LPIN3: variants seen among roughly 807,000 people sequenced by gnomAD.
The protein encoded by LPIN3 is phosphatidate phosphatase LPIN3.
Under a neutral mutation model 94.7 loss-of-function variants are expected in LPIN3, and 82 were observed. The ratio of observed to expected loss-of-function variants is 0.87; its 90% CI spans 0.72 to 1.04. The LOEUF (loss-of-function observed/expected upper bound fraction) is 1.04. Among genes scored for constraint, LPIN3 ranks in the 50% least tolerant of loss-of-function variants. LPIN3 has a pLI of 0.00. For synonymous variants in LPIN3, 418 were observed against 443.3 expected, an observed-to-expected ratio of 0.94 and a Z score of 0.72; for missense variants, 996 against 1,090.5, an observed-to-expected ratio of 0.91 and a Z score of 1.22.
chr20:41,357,043 C>T lies in LPIN3; in HGVS notation c.1807C>T (p.Arg603Cys), dbSNP rs201671223. 34 of 1,611,878 alleles carry T rather than the reference C, an allele frequency of 2.1e-5. 1 individual carries two copies. The highest frequency in any genetic ancestry group is 2.0e-4 in the Admixed American group (12 of 59,990). ...SLRLSSDQIRRLNLQEGANDV... is the reference protein window; with the variant it reads ...SLRLSSDQIRCLNLQEGANDV... ...ACCCCCCTTTGTCTGGCCTCAGCGGCGCCTGAACCTGCAAGAAGGTGCCAA... is the reference window on the plus strand; with the variant it reads ...ACCCCCCTTTGTCTGGCCTCAGCGGTGCCTGAACCTGCAAGAAGGTGCCAA... Residue 603 changes from arginine to cysteine, a missense_variant, in exon 15 of 20, where the codon CGC (arginine) becomes TGC (cysteine). Transcript: ENST00000373257.
At chr20:41,353,933 C>T (rs1183843345) in intron 11 of LPIN3, among the ~76,000 whole-genome samples, 1 of 152,172 alleles carries the variant, frequency 6.6e-6, no homozygotes, top group African/African-American at 2.4e-5. Flanking sequence ...CTTACCCAGA[C>T]AGACCCACCG....
intron 13 of LPIN3, 38 bp downstream of exon 13, chr20:41,354,901 C>T (rs1477506801): frequency 1.9e-6 from 3 of 1,543,406 alleles, no homozygotes; most frequent in Non-Finnish European, 2.6e-6. Flanking sequence ...GCAGGGGGAG[C>T]CTGGGAAAGA....
intron 1 of LPIN3, among the ~76,000 whole-genome samples, chr20:41,342,935 C>G (rs187830962): frequency 1.1e-4 from 17 of 152,136 alleles, no homozygotes; most frequent in Non-Finnish European, 8.8e-5. Flanking sequence ...GAGTAGGACC[C>G]CGGGTGCCAT....
rs2046343457 is a variant in LPIN3, at chr20:41,360,293, TC to T, written c.*1429del. On this transcript the variant is annotated 3_prime_UTR_variant, in exon 20 of 20. Coordinates refer to ENST00000373257, the MANE Select transcript of LPIN3 (RefSeq NM_022896.3). ...TTAAAAGCAAGGCTTGGAGCCCCTT[TC>T]CTCCAGCTGGTGGCTCCTTCTCAGG... 1 of 152,306 alleles carries T rather than the reference TC, an allele frequency of 6.6e-6. No individual in the cohort carries two copies. The highest frequency in any genetic ancestry group is 2.1e-4 in the South Asian group (1 of 4,832). 9.4% of individuals were successfully genotyped at this position (152,306 alleles called of 1,614,324 possible).
rs772635374 is a variant in LPIN3, at chr20:41,357,922, G to A, written c.2080G>A (p.Gly694Ser). Residue 694 changes from glycine to serine, a missense_variant, in exon 17 of 20, where the codon GGC becomes AGC. Gly to Ser is a moderately conservative substitution (Grantham distance 56). Transcript: ENST00000373257. ...CCTGTACTGCTCGGCGCGGGCCATTGGCATGGCGGACCTCACCAAGGGGTA... is the reference window on the plus strand; with the variant it reads ...CCTGTACTGCTCGGCGCGGGCCATTAGCATGGCGGACCTCACCAAGGGGTA... The part of the protein sequence containing the change: ...KFLYCSARAI[G>S]MADLTKGYLQ... 10 of 1,614,116 alleles carry A rather than the reference G, an allele frequency of 6.2e-6. No homozygotes were observed. The highest frequency in any genetic ancestry group is 8.5e-6 in the Non-Finnish European group (10 of 1,179,998).
chr20:41,349,798 C>A lies in LPIN3; in HGVS notation c.663C>A (p.Ser221=), dbSNP rs2045932797. The change falls in exon 6 of 20, where the codon TCC becomes TCA. Residue 221 remains serine, a synonymous_variant. Coordinates refer to ENST00000373257, the MANE Select transcript of LPIN3 (RefSeq NM_022896.3). The part of the protein sequence containing the change: ...QASLSAGELT[S]PKSDSELEVR... ...GCCTCTCAGCAGGTGAGCTAACATC[C>A]CCTAAGAGCGACTCGGAGCTGGAGG... 1.9e-6 allele frequency: 3 copies of A among 1,613,534 alleles called. No homozygotes were observed. The highest frequency in any genetic ancestry group is 2.7e-5 in the African/African-American group (2 of 74,926).
chr20:41,346,110 T>A, intron 2 of LPIN3, 115 bp downstream of exon 2: 1 of 1,053,796 alleles, frequency 9.5e-7, no homozygotes, highest in Non-Finnish European at 1.4e-6. Context: ...ATCTGTCCTC[T>A]GGACAGGCTT....
chr20:41,349,972 G>A (rs2045943713), intron 6 of LPIN3, 78 bp downstream of exon 6: 5 of 1,564,398 alleles, frequency 3.2e-6, no homozygotes, highest in South Asian at 2.4e-5. Flanking sequence ...TGGAGGGACT[G>A]AAACTCGGGC....
intron 5 of LPIN3, among the ~76,000 whole-genome samples, chr20:41,349,413 C>T (rs775081455): frequency 6.6e-6 from 1 of 152,122 alleles, no homozygotes; most frequent in Non-Finnish European, 1.5e-5. Context: ...GCATTAAGTA[C>T]ATTCAGTGTT....
At position 41,342,815 on chromosome 20, in the gene LPIN3, G is replaced by T. The variant is rs535516009; in HGVS notation, c.-9+1813G>T. Reference sequence around the variant, plus strand: ...AGAGAGGAGAGAATTCTGGACTCCCGTGACATTAGATCTGAGGGAGATGGG... The same window carrying T: ...AGAGAGGAGAGAATTCTGGACTCCCTTGACATTAGATCTGAGGGAGATGGG... On this transcript the variant is annotated intron_variant, in intron 1 of 19. Transcript: ENST00000373257. 8.5e-5 allele frequency among the ~76,000 whole-genome samples: 13 copies of T among 152,312 alleles called. No individual in the cohort carries two copies. In the South Asian group the frequency reaches 2.7e-3, roughly 32 times the overall value.
In LPIN3 at chr20:41,358,011, C is replaced by A; in HGVS notation, c.2169C>A (p.Ser723Arg). The change falls in exon 17 of 20, where the codon AGC becomes AGA. Residue 723 changes from serine (S) to arginine (R), a missense_variant. Coordinates refer to ENST00000373257, the MANE Select transcript of LPIN3 (RefSeq NM_022896.3). ...AGGGCCCCATCCTTCTGTCTCCCAG[C>A]AGCCTCTTCTCTGCCCTCCACAGGT... ...LPKGPILLSP[S>R]SLFSALHREV... 1 of 1,608,272 alleles carries A rather than the reference C, an allele frequency of 6.2e-7. No homozygotes were observed. The highest frequency in any genetic ancestry group is 8.5e-7 in the Non-Finnish European group (1 of 1,177,380).
chr20:41,358,420 C>G lies in LPIN3; in HGVS notation c.2308-19C>G, dbSNP rs1254716904. ...TGCCTGCAGGCCTCCATTCCATGGG[C>G]CCCTCCTGTCTCCCACAGGATGTCT... On this transcript the variant is annotated intron_variant, in intron 18 of 19. Coordinates refer to ENST00000373257, the MANE Select transcript of LPIN3 (RefSeq NM_022896.3). The G allele has an allele frequency of 6.2e-7, 1 of 1,613,010 alleles. No individual in the cohort carries two copies. Among genetic ancestry groups the G allele is most frequent in the South Asian group, 1.1e-5 (1 of 91,052 alleles).
intron 6 of LPIN3, 29 bp downstream of exon 6, chr20:41,349,923 C>A: frequency 1.3e-6 from 2 of 1,597,182 alleles, no homozygotes; most frequent in Non-Finnish European, 1.7e-6. Flanking sequence ...ACCCCAGGCC[C>A]GGCCTTTCAG....
intron 7 of LPIN3, among the ~76,000 whole-genome samples, chr20:41,350,601 A>G (rs2045973379): frequency 6.6e-6 from 1 of 152,104 alleles, no homozygotes; most frequent in African/African-American, 2.4e-5. Context: ...ATTGGTTGGA[A>G]TGGGAGCTGT....
chr20:41,347,221 T>G (rs527389951), intron 2 of LPIN3, among the ~76,000 whole-genome samples: 1 of 152,210 alleles, frequency 6.6e-6, no homozygotes, highest in East Asian at 1.9e-4. Flanking sequence ...CCTATTCTTA[T>G]GGATGTGAGA....
In LPIN3 at chr20:41,358,065, C is replaced by A. The variant is rs773972438; in HGVS notation, c.2192+31C>A. The A allele has an allele frequency of 5.1e-6, 8 of 1,572,942 alleles. No homozygotes were observed. In the African/African-American group the frequency reaches 6.8e-5, roughly 13 times the overall value. ...CACCCCTACACATACAAGCCCGTGG[C>A]CCCCTGGTGGGGAAAGGCAGGCCCA... is the stretch of plus-strand genomic sequence containing the variant. On this transcript the variant is annotated intron_variant, in intron 17 of 19. Transcript: ENST00000373257.
Position 41,352,799 on chromosome 20 carries a change from C to T in LPIN3, c.1459C>T (p.His487Tyr). 6.2e-7 allele frequency: 1 copy of T among 1,614,216 alleles called. No homozygotes were observed. The highest frequency in any genetic ancestry group is 8.5e-7 in the Non-Finnish European group (1 of 1,180,006). Reference protein sequence around the residue: ...PNLVVKINGKHYNWAVAAPMI... With the variant: ...PNLVVKINGKYYNWAVAAPMI... ...TGATGCCCTGTTCTGTCTCTCTAGG[C>T]ATTATAACTGGGCTGTGGCTGCCCC... The change falls in exon 11 of 20, where the codon CAT becomes TAT. Residue 487 changes from histidine (H) to tyrosine (Y), a missense_variant and splice_region_variant. By Grantham distance (83) the His-to-Tyr change is moderately conservative (BLOSUM62 2). Coordinates refer to ENST00000373257, the MANE Select transcript of LPIN3 (RefSeq NM_022896.3).
chr20:41,359,023 T>C lies in LPIN3; in HGVS notation c.*157T>C. 1 of 842,186 alleles carries C rather than the reference T, an allele frequency of 1.2e-6. No homozygotes were observed. Among genetic ancestry groups the C allele is most frequent in the Non-Finnish European group, 1.8e-6 (1 of 550,864 alleles). 52.2% of individuals were successfully genotyped at this position (842,186 alleles called of 1,614,324 possible). ...TGGCAGCTAGAGAGACTCCCCCATC[T>C]TCCCCGTCATATTTTTGCCAGCTAA... On this transcript the variant is annotated 3_prime_UTR_variant, in exon 20 of 20. Coordinates refer to ENST00000373257, the MANE Select transcript of LPIN3 (RefSeq NM_022896.3).
chr20:41,349,633 T>A, intron 5 of LPIN3, 141 bp from the exon 6 acceptor site: 1 of 1,041,180 alleles, frequency 9.6e-7, no homozygotes, highest in South Asian at 1.9e-5. Flanking sequence ...TGTATACTCT[T>A]TAGATCTTTA....
Sources: allele counts gnomAD v4.1 joint callset (sites outside exome capture counted in the v4.1 genomes callset), GRCh38; gene constraint gnomAD v4.1.1; transcripts MANE v1.5; gene names NCBI Gene and HGNC (gene_info 2026-07-23, HGNC 2026-07-21).